GNG7: variants seen among roughly 807,000 people sequenced by gnomAD.
GNG7 encodes the protein G protein subunit gamma 7.
In GNG7, 1 loss-of-function variant was observed where a neutral mutation model predicts 4.0. The ratio of observed to expected loss-of-function variants is 0.25; its 90% CI spans 0.09 to 1.18. GNG7 has a LOEUF of 1.18. Ranked by LOEUF, GNG7 falls within the 50% of genes most tolerant of loss-of-function variation. The pLI, the probability that GNG7 is intolerant of heterozygous loss-of-function variation, is 0.50. For synonymous variants in GNG7, 34 were observed against 36.9 expected (o/e 0.92, Z 0.29); for missense variants, 86 against 91.9 (o/e 0.94, Z 0.26).
intron 1 of GNG7, among the ~76,000 whole-genome samples, chr19:2,684,477 C>T (rs1357235438): frequency 1.3e-5 from 2 of 151,932 alleles, no homozygotes; most frequent in African/African-American, 4.8e-5. Flanking sequence ...GGTAGCGACA[C>T]AAGTGACCCT....
intron 2 of GNG7, among the ~76,000 whole-genome samples, chr19:2,567,714 C>A (rs1228921901): frequency 6.6e-6 from 1 of 152,062 alleles, no homozygotes; most frequent in African/African-American, 2.4e-5. Context: ...GGAGACTGGG[C>A]CACAGAGCCG....
At chr19:2,580,629 G>A (rs567846965) in intron 2 of GNG7, among the ~76,000 whole-genome samples, 2 of 145,246 alleles carry the variant, frequency 1.4e-5, no homozygotes, top group African/African-American at 5.1e-5. Context: ...TAGAGACAAG[G>A]TCTTGCTGTT....
At chr19:2,578,870 G>A (rs1015932129) in intron 2 of GNG7, among the ~76,000 whole-genome samples, 5 of 152,334 alleles carry the variant, frequency 3.3e-5, no homozygotes, top group South Asian at 2.1e-4. Flanking sequence ...GGGGTGGATC[G>A]GGGCCTCAAA....
chr19:2,511,961 G>A lies in GNG7; in HGVS notation c.*3061C>T, dbSNP rs1972662231. 1.0e-6 allele frequency: 1 copy of A among 985,896 alleles called. No individual in the cohort carries two copies. The highest frequency in any genetic ancestry group is 4.7e-5 in the South Asian group (1 of 21,294). The allele number at this position is 985,896 out of a possible 1,614,324, so 61.1% of individuals were successfully genotyped here. On this transcript the variant is annotated 3_prime_UTR_variant, in exon 5 of 5. Coordinates refer to ENST00000382159, the MANE Select transcript of GNG7 (RefSeq NM_052847.3). The surrounding 1 kb of genome is among the most constrained non-coding windows in gnomAD (Gnocchi z 6.3). ...GTGGGTCACAACAGGGTCGGGGCCT[G>A]GCCCGCTGTGGCCCTTCACCTGGCT...
chr19:2,556,335 C>T (rs1390905484), intron 2 of GNG7, among the ~76,000 whole-genome samples: 1 of 152,220 alleles, frequency 6.6e-6, no homozygotes, highest in Non-Finnish European at 1.5e-5. Flanking sequence ...GACGCCCCTG[C>T]ACCGGGCCCA....
At chr19:2,584,946 GGGAA>G (rs1208628731) in intron 2 of GNG7, among the ~76,000 whole-genome samples, 1 of 49,948 alleles carries the variant, frequency 2.0e-5, no homozygotes, top group Non-Finnish European at 3.3e-5. Flanking sequence ...GAGGGAGGGA[GGGAA>G]GGAAGGAAAG....
intron 2 of GNG7, among the ~76,000 whole-genome samples, chr19:2,635,873 G>A (rs756589014): frequency 1.3e-5 from 2 of 151,928 alleles, no homozygotes; most frequent in African/African-American, 2.4e-5. Context: ...GTGAGCCACC[G>A]TGCCTGGCCA....
chr19:2,652,713 G>T (rs767470008), intron 1 of GNG7, among the ~76,000 whole-genome samples: 1 of 152,052 alleles, frequency 6.6e-6, no homozygotes, highest in Non-Finnish European at 1.5e-5. Flanking sequence ...GGGGAGATGG[G>T]GGTCAGAGGA....
intron 2 of GNG7, among the ~76,000 whole-genome samples, chr19:2,571,079 G>A (rs1284920478): frequency 2.0e-5 from 3 of 152,022 alleles, no homozygotes; most frequent in Non-Finnish European, 4.4e-5. Flanking sequence ...TGAGATGATA[G>A]GCGTGAGCCA....
At chr19:2,542,933 G>C (rs1672180640) in intron 3 of GNG7, among the ~76,000 whole-genome samples, 1 of 133,560 alleles carries the variant, frequency 7.5e-6, no homozygotes, top group Non-Finnish European at 1.6e-5. Context: ...TTGTTTTTGA[G>C]GCAGAGTCTC....
chr19:2,684,425 G>A (rs976992065), intron 1 of GNG7, among the ~76,000 whole-genome samples: 3 of 149,618 alleles, frequency 2.0e-5, no homozygotes, highest in Non-Finnish European at 3.0e-5. Context: ...GTGAGCCACC[G>A]TGCCCGGCCC....
At chr19:2,575,546 CACACGCAGACACACGCAGGCACACGCAG>C (rs1306227237) in intron 2 of GNG7, among the ~76,000 whole-genome samples, 22,649 of 137,338 alleles carry the variant, frequency 0.16, 1,853 homozygotes, top group Middle Eastern at 0.23. Context: ...GACAGGCAGG[CACACGCAGACACACGCAGGCACACGCAG>C]ACACGCAGGC....
chr19:2,661,277 A>AGGAAGGAAGGAAGGAAGGAAG (rs1491425680), intron 1 of GNG7, among the ~76,000 whole-genome samples: 3 of 60,482 alleles, frequency 5.0e-5, no homozygotes, highest in Non-Finnish European at 9.2e-5. Context: ...AAGAAAAGAA[A>AGGAAGGAAGGAAGGAAGGAAG]GAAAGAAAGA....
rs1599451656 is a variant in GNG7, at chr19:2,666,859, G to A, written c.-134-20579C>T. 1.3e-5 allele frequency among the ~76,000 whole-genome samples: 2 copies of A among 152,268 alleles called. 1 individual carries two copies. The highest frequency in any genetic ancestry group is 4.8e-5 in the African/African-American group (2 of 41,560). ...CCCAAGGCCATTGGTTGAGACCCTC[G>A]CAAAACAGTCTAAGACAAAATAGCA... On this transcript the variant is annotated intron_variant, in intron 1 of 4. Coordinates refer to ENST00000382159, the MANE Select transcript of GNG7 (RefSeq NM_052847.3).
intron 1 of GNG7, among the ~76,000 whole-genome samples, chr19:2,681,333 G>A (rs911117732): frequency 4.6e-5 from 7 of 151,926 alleles, no homozygotes; most frequent in East Asian, 3.9e-4. Flanking sequence ...ACAGGCGCCC[G>A]CCACCACGCC....
intron 1 of GNG7, among the ~76,000 whole-genome samples, chr19:2,686,566 G>A (rs1392320788): frequency 2.0e-5 from 3 of 152,020 alleles, no homozygotes; most frequent in East Asian, 1.9e-4. Context: ...GCCAATCCCC[G>A]CAACACATTC....
rs145282242 is a variant in GNG7, at chr19:2,664,767, T to C, written c.-134-18487A>G. Among the ~76,000 whole-genome samples the C allele has an allele frequency of 2.2e-3, 338 of 152,110 alleles. 1 individual carries two copies. Among genetic ancestry groups the C allele is most frequent in the African/African-American group, 7.9e-3 (326 of 41,500 alleles). On this transcript the variant is annotated intron_variant, in intron 1 of 4. Transcript: ENST00000382159. ...GCCAGTTAATGCAAGGTCTCTCCCCTGGAAACCGTGGACATTCAGAGCTGG... is the reference window on the plus strand; with the variant it reads ...GCCAGTTAATGCAAGGTCTCTCCCCCGGAAACCGTGGACATTCAGAGCTGG...
intron 2 of GNG7, among the ~76,000 whole-genome samples, chr19:2,568,295 A>ACG (rs1452298502): frequency 3.2e-4 from 24 of 73,964 alleles, no homozygotes; most frequent in Admixed American, 8.4e-4. Flanking sequence ...ACACATATAC[A>ACG]CACGCACACA....
At chr19:2,553,389 TATATATAC>T (rs993223698) in intron 3 of GNG7, among the ~76,000 whole-genome samples, 1 of 135,806 alleles carries the variant, frequency 7.4e-6, no homozygotes, top group Non-Finnish European at 1.6e-5. Context: ...TGAGCATATA[TATATATAC>T]ATATATATAT....
Sources: gnomAD v4.1 joint callset for allele counts (sites outside exome capture counted in the v4.1 genomes callset) on GRCh38, gnomAD v4.1.1 for gene constraint, Gnocchi (gnomAD v3.1) non-coding constraint, MANE v1.5 for transcripts, NCBI Gene and HGNC (gene_info 2026-07-23, HGNC 2026-07-21) for gene names.